The following UNC79 variants were observed in gnomAD, a reference collection of about 807,000 sequenced individuals.
The protein encoded by UNC79 is unc-79 subunit of NALCN channel complex.
A neutral mutation model predicts 283.1 loss-of-function variants in UNC79; 37 were observed. The ratio of observed to expected loss-of-function variants is 0.13; its 90% CI spans 0.10 to 0.17. The LOEUF is 0.17. UNC79 is among the 10% of genes least tolerant of loss of function. The pLI, the probability that UNC79 is intolerant of heterozygous loss-of-function variation, is 1.00. For synonymous variants in UNC79, 1,107 were observed against 1,200.2 expected (o/e 0.92, Z 1.61); for missense variants, 2,272 against 3,211.1 (o/e 0.71, Z 7.07).
At chr14:93,557,248 A>G (rs895986886) in intron 14 of UNC79, among the ~76,000 whole-genome samples, 33 of 152,170 alleles carry the variant, frequency 2.2e-4, no homozygotes, top group African/African-American at 7.7e-4. Context: ...AACAATCTTG[A>G]AGCCATATTT....
chr14:93,669,582 G>A (rs1409767141), intron 40 of UNC79, among the ~76,000 whole-genome samples: 1 of 152,208 alleles, frequency 6.6e-6, no homozygotes, highest in African/African-American at 2.4e-5. Flanking sequence ...ACACAGCTCA[G>A]TGTCAAGCCC....
Position 93,621,687 on chromosome 14 carries a change from G to T in UNC79, c.4454G>T (p.Arg1485Ile), listed in dbSNP as rs2067150565. The change falls in exon 30 of 49, where the codon AGA (arginine) becomes ATA (isoleucine). Residue 1485 changes from arginine to isoleucine, a missense_variant. Around this residue, in one of 11 missense-constraint regions of UNC79, gnomAD observed 580 missense variants for 632.2 expected, o/e 0.92. Transcript: ENST00000555664. The surrounding 1 kb of genome is among the most constrained non-coding windows in gnomAD (Gnocchi z 4.8). ...CAAGACAGCCTTCTCCACTGTGTGA[G>T]AGAAGAAAGCATTCCGAAAAAAAAG... The T allele has an allele frequency of 6.2e-7, 1 of 1,613,222 alleles. No homozygotes were observed. Among genetic ancestry groups the T allele is most frequent in the African/African-American group, 1.3e-5 (1 of 74,934 alleles).
intron 1 of UNC79, among the ~76,000 whole-genome samples, chr14:93,374,845 C>T (rs2054523508): frequency 6.6e-6 from 1 of 152,194 alleles, no homozygotes; most frequent in Non-Finnish European, 1.5e-5. Context: ...CCATACTCGG[C>T]CTCCATTGTA....
intron 1 of UNC79, among the ~76,000 whole-genome samples, chr14:93,354,611 C>G (rs2054047849): frequency 6.6e-6 from 1 of 152,180 alleles, no homozygotes; most frequent in Admixed American, 6.5e-5. Flanking sequence ...GATCCTCCCA[C>G]CTCAGTCCCT....
chr14:93,593,619 G>A lies in UNC79; in HGVS notation c.3033-61G>A. 1.9e-6 allele frequency: 3 copies of A among 1,555,582 alleles called. No homozygotes were observed. The South Asian group carries it at 3.8e-5, about 19-fold the overall frequency. On this transcript the variant is annotated intron_variant, in intron 22 of 48. Transcript: ENST00000555664. The stretch of plus-strand genomic sequence containing the variant: ...ACTCTTGCCATAAATTAAGAGGACA[G>A]GATCTTTTTCTGGAAAAGTTGTGAT...
At chr14:93,622,013 G>A in exon 30 of UNC79, 1 of 1,614,018 alleles carries the variant, frequency 6.2e-7, no homozygotes, top group South Asian at 1.1e-5. Context: ...GGTGAAAGTT[G>A]ACTCGCCGGT....
intron 1 of UNC79, among the ~76,000 whole-genome samples, chr14:93,441,251 G>A (rs570595682): frequency 2.6e-5 from 4 of 151,860 alleles, no homozygotes; most frequent in South Asian, 2.1e-4. Context: ...TTATGACCCC[G>A]TTTTCTTTTT....
chr14:93,447,579 G>GT (rs917284524), intron 1 of UNC79, among the ~76,000 whole-genome samples: 39 of 146,284 alleles, frequency 2.7e-4, no homozygotes, highest in East Asian at 8.0e-4. Context: ...GGTGCTCTTT[G>GT]TTTTTTTTTT....
intron 1 of UNC79, among the ~76,000 whole-genome samples, chr14:93,405,414 G>T (rs1198979329): frequency 6.6e-6 from 1 of 151,864 alleles, no homozygotes; most frequent in Non-Finnish European, 1.5e-5. Flanking sequence ...AAGGAGAAAT[G>T]AATAAAAACC....
intron 33 of UNC79, 118 bp downstream of exon 36, chr14:93,641,365 A>G: frequency 1.1e-6 from 1 of 943,764 alleles, no homozygotes; most frequent in Non-Finnish European, 1.6e-6. Context: ...TTGTTCCTCC[A>G]GTATATTGCC....
chr14:93,590,708 G>A lies in UNC79; in HGVS notation c.3033-2972G>A, dbSNP rs2064605084. 2.0e-5 allele frequency among the ~76,000 whole-genome samples: 3 copies of A among 152,170 alleles called. No individual in the cohort carries two copies. In the South Asian group the frequency reaches 6.2e-4, roughly 32 times the overall value. The stretch of plus-strand genomic sequence containing the variant: ...ATGATGGACAATGAAAGGACTTGTG[G>A]AAGAGATGCTCTGCCCCTTTCCAAA... On this transcript the variant is annotated intron_variant, in intron 22 of 48. Transcript: ENST00000555664.
chr14:93,410,626 C>G (rs2055315704), intron 1 of UNC79, among the ~76,000 whole-genome samples: 1 of 152,158 alleles, frequency 6.6e-6, no homozygotes, highest in African/African-American at 2.4e-5. Context: ...ACCAGCTCAG[C>G]CACAGTAGAA....
intron 35 of UNC79, among the ~76,000 whole-genome samples, 194 bp from the exon 39 acceptor site, chr14:93,653,548 A>T (rs2070553298): frequency 6.6e-6 from 1 of 152,094 alleles, no homozygotes; most frequent in East Asian, 1.9e-4. Context: ...CTGGCATTTC[A>T]TGGTTCTCTC....
chr14:93,677,193 A>G (rs185983712), intron 41 of UNC79, among the ~76,000 whole-genome samples: 1 of 152,326 alleles, frequency 6.6e-6, no homozygotes, highest in East Asian at 1.9e-4. Context: ...CTTAAAACAG[A>G]GTAGTTCCCT....
chr14:93,608,664 C>T (rs1270476882), intron 26 of UNC79, among the ~76,000 whole-genome samples: 1 of 152,178 alleles, frequency 6.6e-6, no homozygotes, highest in African/African-American at 2.4e-5. Context: ...GGACCAAGTG[C>T]AGAGTAAGCT....
rs2068982856 is a variant in UNC79 at position 93,641,057 on chromosome 14, T to C, written c.5801-88T>C. On this transcript the variant is annotated intron_variant, in intron 32 of 48. Coordinates refer to ENST00000555664, the Ensembl canonical transcript of UNC79. ...GTTGTATTCCTGGGAATGTGATCTT[T>C]GGAGGGTTTCTAAGAGGAGAACCAG... The C allele has an allele frequency of 1.0e-5, 11 of 1,069,174 alleles. No individual in the cohort carries two copies. The South Asian group carries it at 1.8e-4, about 17-fold the overall frequency. The allele number at this position is 1,069,174 out of a possible 1,614,324, so 66.2% of individuals were successfully genotyped here.
At chr14:93,448,325 T>A (rs2056529534) in intron 1 of UNC79, among the ~76,000 whole-genome samples, 1 of 152,184 alleles carries the variant, frequency 6.6e-6, no homozygotes, top group Non-Finnish European at 1.5e-5. Context: ...CTGAAATTGT[T>A]TTTCAGTTCT....
intron 7 of UNC79, among the ~76,000 whole-genome samples, chr14:93,515,264 A>ATGTGTG (rs3060596): frequency 0.015 from 2,248 of 149,758 alleles, 21 homozygotes; most frequent in African/African-American, 0.027. Flanking sequence ...CCATATGTAT[A>ATGTGTG]TGTGTGTGTG....
chr14:93,647,090 G>T (rs1439204011), intron 35 of UNC79, among the ~76,000 whole-genome samples: 1 of 152,196 alleles, frequency 6.6e-6, no homozygotes, highest in Non-Finnish European at 1.5e-5. Flanking sequence ...TATCCATGAA[G>T]CCAATGTGAA....
Sources: allele counts gnomAD v4.1 joint callset (sites outside exome capture counted in the v4.1 genomes callset), GRCh38; gene constraint gnomAD v4.1.1; regional missense constraint gnomAD v4.1.1; non-coding constraint Gnocchi (gnomAD v3.1); transcripts MANE v1.5; gene names NCBI Gene and HGNC (gene_info 2026-07-23, HGNC 2026-07-21).